Variants in SPEF2 observed in about 807,000 individuals in gnomAD.
SPEF2 encodes the protein sperm flagellar and cilia associated 2.
SPEF2 carries 187 observed loss-of-function variants against 224.6 expected under a neutral mutation model. That is an observed-to-expected ratio of 0.83 (90% confidence interval 0.74 to 0.94). SPEF2 has a LOEUF of 0.94. Ranked by LOEUF, SPEF2 falls within the 40% of genes least tolerant of loss-of-function variation. The probability of loss-of-function intolerance (pLI) is 0.00; values close to 1 mark genes in which losing one functional copy is unlikely to be tolerated. For synonymous variants in SPEF2, 715 were observed against 707.3 expected (o/e 1.01, Z -0.17); for missense variants, 2,170 against 2,135.6 (o/e 1.02, Z -0.32).
At chr5:35,655,116 A>G (rs2149439258) in intron 7 of SPEF2, among the ~76,000 whole-genome samples, 1 of 152,340 alleles carries the variant, frequency 6.6e-6, no homozygotes, top group East Asian at 1.9e-4. Flanking sequence ...AAAGTTGTTC[A>G]TCCTCTCCTT....
chr5:35,740,302 C>A lies in SPEF2; in HGVS notation c.3330+35C>A, dbSNP rs73747927. On this transcript the variant is annotated intron_variant, in intron 23 of 36. Coordinates refer to ENST00000356031, the MANE Select transcript of SPEF2 (RefSeq NM_024867.4). Reference sequence around the variant, plus strand: ...TAGTGACCTATTGGGACAGGGTTAGCTGGCTTTCATATCTTGTCCTGCAAA... The same window carrying A: ...TAGTGACCTATTGGGACAGGGTTAGATGGCTTTCATATCTTGTCCTGCAAA... 5.9e-5 allele frequency: 95 copies of A among 1,610,454 alleles called. No individual in the cohort carries two copies. The African/African-American group carries it at 1.2e-3, about 21-fold the overall frequency.
At chr5:35,773,833 T>G in intron 27 of SPEF2, 60 bp from the exon 28 acceptor site, 6 of 1,549,038 alleles carry the variant, frequency 3.9e-6, no homozygotes, top group Non-Finnish European at 5.2e-6. Flanking sequence ...TCTGTCCAAG[T>G]ACTATGTGCA....
At chr5:35,813,323 C>G (rs1460610368) in intron 36 of SPEF2, among the ~76,000 whole-genome samples, 1 of 151,792 alleles carries the variant, frequency 6.6e-6, no homozygotes, top group Admixed American at 6.6e-5. Flanking sequence ...CAAGACTCCT[C>G]TCTATAAAAA....
At chr5:35,662,952 T>G (rs1749946231) in intron 8 of SPEF2, among the ~76,000 whole-genome samples, 1 of 152,198 alleles carries the variant, frequency 6.6e-6, no homozygotes, top group Non-Finnish European at 1.5e-5. Context: ...TACTTTTAAA[T>G]CTATTAAGGT....
chr5:35,670,635 AG>A, intron 10 of SPEF2: 1 of 986,122 alleles, frequency 1.0e-6, no homozygotes, highest in Non-Finnish European at 1.2e-6. Context: ...ATGAAAGAGG[AG>A]GAAGTCTGGG....
Position 35,692,704 on chromosome 5 carries a change from G to A in SPEF2, c.1879G>A (p.Glu627Lys). The A allele has an allele frequency of 6.2e-7, 1 of 1,613,030 alleles. No homozygotes were observed. Among genetic ancestry groups the A allele is most frequent in the Non-Finnish European group, 8.5e-7 (1 of 1,179,740 alleles). Residue 627 changes from glutamate (E) to lysine (K), a missense_variant, in exon 12 of 37, where the codon GAG becomes AAG. Physicochemically the swap from Glu to Lys is moderately conservative, Grantham distance 56. Coordinates refer to ENST00000356031, the MANE Select transcript of SPEF2 (RefSeq NM_024867.4). ...AGAAGATGCTCTACCAGTTCTGCAAGAGGAGATTAAAGAAAGCCAGGCAAG... is the reference window on the plus strand; with the variant it reads ...AGAAGATGCTCTACCAGTTCTGCAAAAGGAGATTAAAGAAAGCCAGGCAAG... ...DEEDALPVLQ[E>K]EIKESQDPQH... is the part of the protein sequence containing the mutation.
At chr5:35,686,251 A>G (rs756131675) in intron 10 of SPEF2, among the ~76,000 whole-genome samples, 8 of 152,118 alleles carry the variant, frequency 5.3e-5, no homozygotes, top group Non-Finnish European at 1.2e-4. Flanking sequence ...CTGAAACAAT[A>G]TTTTGGGGTT....
At chr5:35,783,932 A>G (rs1468241075) in intron 30 of SPEF2, among the ~76,000 whole-genome samples, 3 of 152,206 alleles carry the variant, frequency 2.0e-5, no homozygotes, top group Admixed American at 6.5e-5. Flanking sequence ...TCGGTACTCA[A>G]TGAAATGCCT....
Position 35,800,159 on chromosome 5 carries a change from C to G in SPEF2, c.5010+12C>G, listed in dbSNP as rs751236990. ...CAAGTGCAGAAAAGGTAATTGCATT[C>G]CAGAAATAGACTAACTATAGAGTCT... is the stretch of plus-strand genomic sequence containing the variant. On this transcript the variant is annotated intron_variant, in intron 34 of 36. Transcript: ENST00000356031. The G allele has an allele frequency of 6.2e-7, 1 of 1,613,490 alleles. No homozygotes were observed. The highest frequency in any genetic ancestry group is 1.3e-5 in the African/African-American group (1 of 74,864).
Position 35,654,608 on chromosome 5 carries a change from A to G in SPEF2, c.860A>G (p.Asp287Gly). ...TTDLLNTYSD[D>G]EYIKKIQKRL... Reference sequence around the variant, plus strand: ...GATTTGTTAAATACTTACTCAGATGACGAGTACATTAAAAAAATCCAGAAG... The same window carrying G: ...GATTTGTTAAATACTTACTCAGATGGCGAGTACATTAAAAAAATCCAGAAG... The change falls in exon 7 of 37, where the codon GAC (aspartate) becomes GGC (glycine). Residue 287 changes from aspartate to glycine, a missense_variant. Physicochemically the swap from Asp to Gly is moderately conservative, Grantham distance 94 (BLOSUM62 -1). Coordinates refer to ENST00000356031, the MANE Select transcript of SPEF2 (RefSeq NM_024867.4). The G allele has an allele frequency of 6.2e-7, 1 of 1,613,756 alleles. No individual in the cohort carries two copies.
intron 27 of SPEF2, among the ~76,000 whole-genome samples, chr5:35,772,457 G>A (rs1042854802): frequency 1.1e-4 from 16 of 152,154 alleles, no homozygotes; most frequent in African/African-American, 3.9e-4. Flanking sequence ...TCCAGCTATA[G>A]TCTTGCAGTA....
chr5:35,654,772 C>T, intron 7 of SPEF2, 46 bp downstream of exon 7: 1 of 1,528,688 alleles, frequency 6.5e-7, no homozygotes. Flanking sequence ...GGGAATTCTA[C>T]AAAATGTAGT....
At chr5:35,651,409 TG>T (rs1748171652) in intron 6 of SPEF2, among the ~76,000 whole-genome samples, 1 of 152,178 alleles carries the variant, frequency 6.6e-6, no homozygotes, top group Non-Finnish European at 1.5e-5. Flanking sequence ...GGAGAAGGCC[TG>T]GGGCAGCTGA....
intron 2 of SPEF2, among the ~76,000 whole-genome samples, chr5:35,634,404 T>C (rs1229185156): frequency 6.6e-6 from 1 of 152,276 alleles, no homozygotes; most frequent in East Asian, 1.9e-4. Context: ...TGATGTCTTC[T>C]TTTTCTCTTG....
intron 19 of SPEF2, among the ~76,000 whole-genome samples, chr5:35,711,911 C>A (rs1355144796): frequency 6.6e-6 from 1 of 152,066 alleles, no homozygotes; most frequent in African/African-American, 2.4e-5. Context: ...AAAACTATAG[C>A]CCAGGACCAG....
intron 23 of SPEF2, 21 bp from the exon 24 acceptor site, chr5:35,753,603 A>G: frequency 2.5e-6 from 4 of 1,613,688 alleles, no homozygotes; most frequent in Non-Finnish European, 3.4e-6. Flanking sequence ...CATAGCCACC[A>G]TGCCTGTTTT....
intron 18 of SPEF2, among the ~76,000 whole-genome samples, chr5:35,706,059 A>AG (rs1334201807): frequency 1.4e-5 from 2 of 146,442 alleles, no homozygotes; most frequent in African/African-American, 5.0e-5. Flanking sequence ...TAAAAAAAAA[A>AG]CAAGAAAAAA....
intron 8 of SPEF2, among the ~76,000 whole-genome samples, chr5:35,665,871 C>A (rs909349785): frequency 2.6e-5 from 4 of 152,046 alleles, no homozygotes; most frequent in Non-Finnish European, 5.9e-5. Context: ...CCAGCTTAAC[C>A]CCCTTCCCAA....
chr5:35,777,867 T>C (rs1753816522), intron 29 of SPEF2, among the ~76,000 whole-genome samples: 1 of 152,136 alleles, frequency 6.6e-6, no homozygotes, highest in African/African-American at 2.4e-5. Flanking sequence ...CTACTAGTCA[T>C]GTTTTACAGA....
Sources: gnomAD v4.1 joint callset for allele counts (sites outside exome capture counted in the v4.1 genomes callset) on GRCh38, gnomAD v4.1.1 for gene constraint, MANE v1.5 for transcripts, NCBI Gene and HGNC (gene_info 2026-07-23, HGNC 2026-07-21) for gene names.